Variants in PRICKLE1 observed in about 807,000 individuals in gnomAD.
PRICKLE1 encodes the protein prickle planar cell polarity protein 1, also known as prickle-like protein 1.
PRICKLE1 carries 14 observed loss-of-function variants against 70.2 expected under a neutral mutation model. The observed-to-expected ratio is 0.20, with a 90% CI of 0.13 to 0.31. The LOEUF is 0.31. PRICKLE1 is among the 10% of genes least tolerant of loss of function. PRICKLE1 has a pLI of 1.00. For missense variants in PRICKLE1, 821 were observed against 1,026.2 expected, an observed-to-expected ratio of 0.80 and a Z score of 2.73; for synonymous variants, 357 against 379.9, an observed-to-expected ratio of 0.94 and a Z score of 0.70.
At position 42,499,396 on chromosome 12, in the gene PRICKLE1, A is replaced by G. The variant is rs552951278; in HGVS notation, c.-48-26832T>C. The stretch of plus-strand genomic sequence containing the variant: ...TTTTCCTGGCTTTTCTCTTGGCAGC[A>G]TCACAAGAATGTAAGTAGAATAAAT... On this transcript the variant is annotated intron_variant, in intron 1 of 7. Transcript: ENST00000345127. Among the ~76,000 whole-genome samples the G allele has an allele frequency of 3.3e-5, 5 of 152,102 alleles. No homozygotes were observed. In the South Asian group the frequency reaches 1.0e-3, roughly 32 times the overall value.
Position 42,472,409 on chromosome 12 carries a change from G to C in PRICKLE1, c.108C>G (p.Val36=), listed in dbSNP as rs147268650. The C allele has an allele frequency of 1.2e-6, 2 of 1,614,092 alleles. No homozygotes were observed. The highest frequency in any genetic ancestry group is 1.7e-6 in the Non-Finnish European group (2 of 1,179,996). Residue 36 remains valine, a synonymous_variant, in exon 2 of 8, where the codon GTC becomes GTG. Coordinates refer to ENST00000345127, the MANE Select transcript of PRICKLE1 (RefSeq NM_153026.3). ...CCTGCTCTGGTCTCAGGCCCGGGGG[G>C]ACCCAGGCGTACTCCTCCAATGCAC... ...SGCALEEYAW[V]PPGLRPEQIQ... is the part of the protein sequence containing the mutation.
At chr12:42,485,370 CTCTT>C (rs1566097383) in intron 1 of PRICKLE1, 1 of 146,772 alleles carries the variant, frequency 6.8e-6, no homozygotes, top group Non-Finnish European at 1.5e-5. Flanking sequence ...TTCAAATAGA[CTCTT>C]TATTGGCCAA....
In PRICKLE1 at chr12:42,589,739, C is replaced by A. The variant is rs945991077; in HGVS notation, c.-323G>T. ...ACGGCGCTGGCAGCTGGGCTGCAGG[C>A]GGAGTGCGCTCGGGCTCCGGAGCCG... On this transcript the variant is annotated 5_prime_UTR_variant, in exon 1 of 8. Coordinates refer to ENST00000345127, the MANE Select transcript of PRICKLE1 (RefSeq NM_153026.3). The surrounding 1 kb of genome is among the most constrained non-coding windows in gnomAD (Gnocchi z 5.0). 6.1e-5 allele frequency: 9 copies of A among 148,502 alleles called. No individual in the cohort carries two copies. Among genetic ancestry groups the A allele is most frequent in the African/African-American group, 2.2e-4 (9 of 41,062 alleles). 9.2% of individuals were successfully genotyped at this position (148,502 alleles called of 1,614,324 possible).
In PRICKLE1 at chr12:42,457,941, A is replaced by G. The variant is rs1488738760; in HGVS notation, c.*1868T>C. 2.0e-5 allele frequency: 3 copies of G among 152,204 alleles called. No homozygotes were observed. Among genetic ancestry groups the G allele is most frequent in the African/African-American group, 7.2e-5 (3 of 41,460 alleles). 9.4% of individuals were successfully genotyped at this position (152,204 alleles called of 1,614,324 possible). On this transcript the variant is annotated 3_prime_UTR_variant, in exon 8 of 8. Coordinates refer to ENST00000345127, the MANE Select transcript of PRICKLE1 (RefSeq NM_153026.3). ...TTTGCCCTATTTGAATTTTTTTGTC[A>G]TGTGTATGCACTTCCTTTTCATTGC...
chr12:42,501,415 T>C (rs1939304031), intron 1 of PRICKLE1, among the ~76,000 whole-genome samples: 1 of 144,396 alleles, frequency 6.9e-6, no homozygotes, highest in African/African-American at 2.6e-5. Context: ...GAGGCTGAGG[T>C]AGGAGAATCG....
intron 1 of PRICKLE1, among the ~76,000 whole-genome samples, chr12:42,479,931 G>A (rs549614110): frequency 3.3e-4 from 50 of 151,966 alleles, no homozygotes; most frequent in Admixed American, 8.5e-4. Flanking sequence ...TCCAGCCTGG[G>A]CAACAAGAGC....
chr12:42,573,155 TA>T (rs544344608), intron 1 of PRICKLE1, among the ~76,000 whole-genome samples: 6 of 152,140 alleles, frequency 3.9e-5, no homozygotes, highest in Non-Finnish European at 7.3e-5. Flanking sequence ...GCTAAATAAA[TA>T]AAATGCTCTG....
chr12:42,496,076 T>C (rs767822619), intron 1 of PRICKLE1, among the ~76,000 whole-genome samples: 1 of 152,250 alleles, frequency 6.6e-6, no homozygotes, highest in Non-Finnish European at 1.5e-5. Flanking sequence ...TCATTATCTA[T>C]GGCAGTTATA....
intron 1 of PRICKLE1, among the ~76,000 whole-genome samples, chr12:42,534,875 T>TAAG (rs1939991575): frequency 6.6e-6 from 1 of 152,232 alleles, no homozygotes; most frequent in African/African-American, 2.4e-5. Context: ...AGCCATGGAG[T>TAAG]AAGGACAAAG....
At chr12:42,476,398 T>C (rs189262668) in intron 1 of PRICKLE1, among the ~76,000 whole-genome samples, 11 of 151,926 alleles carry the variant, frequency 7.2e-5, no homozygotes, top group Admixed American at 7.2e-4. Flanking sequence ...GTCAGGCTGG[T>C]CTTGAACTCC....
chr12:42,498,518 C>T (rs116959597), intron 1 of PRICKLE1, among the ~76,000 whole-genome samples: 2,212 of 152,250 alleles, frequency 0.015, 158 homozygotes, highest in Admixed American at 0.11. Flanking sequence ...CATGGTGGCT[C>T]ATGCCTGTAA....
At chr12:42,538,132 T>C (rs187065153) in intron 1 of PRICKLE1, among the ~76,000 whole-genome samples, 5 of 152,140 alleles carry the variant, frequency 3.3e-5, no homozygotes, top group Admixed American at 6.5e-5. Context: ...CTGGGCAACA[T>C]AGGGAGACCC....
intron 5 of PRICKLE1, among the ~76,000 whole-genome samples, chr12:42,468,278 A>G (rs2140112255): frequency 6.6e-6 from 1 of 152,280 alleles, no homozygotes; most frequent in South Asian, 2.1e-4. Flanking sequence ...TGTTTTTTAA[A>G]TTCTTAACAA....
chr12:42,517,712 G>A (rs78487101), intron 1 of PRICKLE1, among the ~76,000 whole-genome samples: 1 of 151,944 alleles, frequency 6.6e-6, no homozygotes. Flanking sequence ...GCCTCCTCCT[G>A]GCTTTAAGGA....
intron 1 of PRICKLE1, among the ~76,000 whole-genome samples, chr12:42,529,538 C>T (rs1939871071): frequency 6.6e-6 from 1 of 152,186 alleles, no homozygotes; most frequent in African/African-American, 2.4e-5. Flanking sequence ...GTGATTCTTA[C>T]AGACAATCCT....
intron 1 of PRICKLE1, among the ~76,000 whole-genome samples, chr12:42,543,939 G>A (rs756410330): frequency 4.6e-5 from 7 of 152,162 alleles, no homozygotes; most frequent in Non-Finnish European, 1.0e-4. Context: ...AATAAAGTAA[G>A]CTAGAGAAAA....
chr12:42,526,812 T>G (rs1408839159), intron 1 of PRICKLE1, among the ~76,000 whole-genome samples: 1 of 150,576 alleles, frequency 6.6e-6, no homozygotes, highest in Non-Finnish European at 1.5e-5. Flanking sequence ...GAAAGATCAG[T>G]TAGAAAAATG....
chr12:42,478,589 T>C (rs574173033), intron 1 of PRICKLE1, among the ~76,000 whole-genome samples: 2 of 152,268 alleles, frequency 1.3e-5, no homozygotes, highest in East Asian at 3.9e-4. Flanking sequence ...CATGAGTTCT[T>C]TGCAGACACT....
intron 1 of PRICKLE1, among the ~76,000 whole-genome samples, chr12:42,499,618 A>G (rs1337474655): frequency 6.6e-6 from 1 of 152,022 alleles, no homozygotes; most frequent in Non-Finnish European, 1.5e-5. Flanking sequence ...ACGAGGTTTC[A>G]CCATGTTGGC....
Sources: allele counts gnomAD v4.1 joint callset (sites outside exome capture counted in the v4.1 genomes callset), GRCh38; gene constraint gnomAD v4.1.1; non-coding constraint Gnocchi (gnomAD v3.1); transcripts MANE v1.5; gene names NCBI Gene and HGNC (gene_info 2026-07-23, HGNC 2026-07-21).